The following PRICKLE1 variants were observed in gnomAD, a reference collection of about 807,000 sequenced individuals.
The protein encoded by PRICKLE1 is prickle planar cell polarity protein 1, also known as prickle-like protein 1.
In PRICKLE1, 14 loss-of-function variants were observed where a neutral mutation model predicts 70.2. That is an observed-to-expected ratio of 0.20 (90% CI 0.13 to 0.31). PRICKLE1 has a LOEUF of 0.31. Ranked by LOEUF, PRICKLE1 falls within the 10% of genes least tolerant of loss-of-function variation. PRICKLE1 has a pLI of 1.00. For missense variants in PRICKLE1, 821 were observed against 1,026.2 expected (o/e 0.80, Z 2.73); for synonymous variants, 357 against 379.9 (o/e 0.94, Z 0.70).
At chr12:42,478,649 T>C (rs1157509649) in intron 1 of PRICKLE1, among the ~76,000 whole-genome samples, 1 of 151,354 alleles carries the variant, frequency 6.6e-6, no homozygotes, top group Non-Finnish European at 1.5e-5. Flanking sequence ...GAAATAAATG[T>C]CAAACAGAAA....
chr12:42,566,252 G>A lies in PRICKLE1; in HGVS notation c.-49+23213C>T, dbSNP rs185615866. Among the ~76,000 whole-genome samples the A allele has an allele frequency of 1.3e-3, 192 of 152,246 alleles. 1 individual carries two copies. Among genetic ancestry groups the A allele is most frequent in the African/African-American group, 4.2e-3 (176 of 41,530 alleles). ...AAGCTGGTTCCAGAAATGTCCAGGA[G>A]GCAAATTAGATGGGACCTGTGGTTG... On this transcript the variant is annotated intron_variant, in intron 1 of 7. Transcript: ENST00000345127.
chr12:42,588,921 T>C (rs1185475109), intron 1 of PRICKLE1, among the ~76,000 whole-genome samples: 1 of 152,228 alleles, frequency 6.6e-6, no homozygotes, highest in Non-Finnish European at 1.5e-5. Context: ...CTCCCATTTT[T>C]TCCCTATATC....
At chr12:42,573,721 G>A (rs748783044) in intron 1 of PRICKLE1, among the ~76,000 whole-genome samples, 1 of 152,030 alleles carries the variant, frequency 6.6e-6, no homozygotes, top group African/African-American at 2.4e-5. Flanking sequence ...TTTTTGCAGA[G>A]GTGGGATTTT....
chr12:42,510,341 G>A (rs891021200), intron 1 of PRICKLE1, among the ~76,000 whole-genome samples: 4 of 151,970 alleles, frequency 2.6e-5, no homozygotes, highest in Non-Finnish European at 5.9e-5. Context: ...TGATCCACCC[G>A]CCTCTGCCTC....
At chr12:42,489,970 C>T (rs1010573022) in intron 1 of PRICKLE1, 1 of 152,154 alleles carries the variant, frequency 6.6e-6, no homozygotes, top group African/African-American at 2.4e-5. Flanking sequence ...TCGACCTAGA[C>T]CTTTCCCTTG....
chr12:42,541,497 C>T (rs751121869), intron 1 of PRICKLE1, among the ~76,000 whole-genome samples: 1 of 151,910 alleles, frequency 6.6e-6, no homozygotes, highest in East Asian at 1.9e-4. Context: ...ACTGCCACGC[C>T]CAGCTAATTT....
chr12:42,580,572 C>G (rs11181567), intron 1 of PRICKLE1, among the ~76,000 whole-genome samples: 22,482 of 152,146 alleles, frequency 0.15, 1,928 homozygotes, highest in Non-Finnish European at 0.19. Context: ...GAGGTGTTTG[C>G]AAGTTGACAA....
chr12:42,582,909 A>G (rs1940927168), intron 1 of PRICKLE1, among the ~76,000 whole-genome samples: 1 of 152,176 alleles, frequency 6.6e-6, no homozygotes, highest in Non-Finnish European at 1.5e-5. Context: ...GGCCCAGGGA[A>G]GCCAAAAGGT....
At chr12:42,566,488 C>T (rs1209725974) in intron 1 of PRICKLE1, among the ~76,000 whole-genome samples, 2 of 152,016 alleles carry the variant, frequency 1.3e-5, no homozygotes, top group African/African-American at 4.8e-5. Flanking sequence ...GTAGAGTGGA[C>T]CAGACCTGCG....
Position 42,526,552 on chromosome 12 carries a change from G to A in PRICKLE1, c.-48-53988C>T, listed in dbSNP as rs897571723. 3.9e-5 allele frequency among the ~76,000 whole-genome samples: 6 copies of A among 152,132 alleles called. No homozygotes were observed. In the East Asian group the frequency reaches 1.2e-3, roughly 29 times the overall value. Reference sequence around the variant, plus strand: ...TTTTCTGCCTTGAGAGTGGTGAGAGGTTCTGTGTGGCTGAGAGTGCACATG... The same window carrying A: ...TTTTCTGCCTTGAGAGTGGTGAGAGATTCTGTGTGGCTGAGAGTGCACATG... On this transcript the variant is annotated intron_variant, in intron 1 of 7. Transcript: ENST00000345127.
At position 42,589,328 on chromosome 12, in the gene PRICKLE1, A is replaced by T. The variant is rs890705378; in HGVS notation, c.-49+137T>A. On this transcript the variant is annotated intron_variant, in intron 1 of 7. Transcript: ENST00000345127. This position sits in a 1 kb window ranked among gnomAD's most constrained non-coding sequence, Gnocchi z 5.0. ...ATGACCTTCTCCCTGATCTTCTGCG[A>T]CACCGACCCAGTCTGGGTGTCACAG... The T allele has an allele frequency of 6.6e-6, 1 of 152,206 alleles. No individual in the cohort carries two copies. The highest frequency in any genetic ancestry group is 1.5e-5 in the Non-Finnish European group (1 of 68,114). 9.4% of individuals were successfully genotyped at this position (152,206 alleles called of 1,614,324 possible).
At chr12:42,470,126 C>T in intron 3 of PRICKLE1, 120 bp downstream of exon 3, 1 of 739,070 alleles carries the variant, frequency 1.4e-6, no homozygotes, top group Non-Finnish European at 2.4e-6. Context: ...CAAATTTTAA[C>T]TAAAGAAAGG....
At chr12:42,480,786 A>AT (rs1472969548) in intron 1 of PRICKLE1, among the ~76,000 whole-genome samples, 1 of 152,230 alleles carries the variant, frequency 6.6e-6, no homozygotes, top group Non-Finnish European at 1.5e-5. Flanking sequence ...AGAAGCAACA[A>AT]CAGATGGCAA....
At chr12:42,480,547 G>A (rs1417196167) in intron 1 of PRICKLE1, among the ~76,000 whole-genome samples, 2 of 152,166 alleles carry the variant, frequency 1.3e-5, no homozygotes, top group South Asian at 2.1e-4. Flanking sequence ...CTAAAGAGAA[G>A]GTTTATTATT....
intron 5 of PRICKLE1, 132 bp downstream of exon 5, chr12:42,468,494 C>G (rs578258577): frequency 1.2e-6 from 1 of 848,594 alleles, no homozygotes; most frequent in African/African-American, 1.7e-5. Context: ...TATGAATGTA[C>G]AGGATTATGT....
chr12:42,466,474 G>A, intron 5 of PRICKLE1, 94 bp from the exon 6 acceptor site: 2 of 1,075,560 alleles, frequency 1.9e-6, no homozygotes, highest in Non-Finnish European at 2.8e-6. Context: ...GCAATGGACA[G>A]ACACTGGCTC....
chr12:42,497,157 T>C lies in PRICKLE1; in HGVS notation c.-48-24593A>G, dbSNP rs181340311. The stretch of plus-strand genomic sequence containing the variant: ...ACTGTAGGGATATTAACTGGCCCAA[T>C]TGCAATATTGCTATGTCTCAGAGGA... On this transcript the variant is annotated intron_variant, in intron 1 of 7. Transcript: ENST00000345127. Among the ~76,000 whole-genome samples, 45 of 152,252 alleles carry C rather than the reference T, an allele frequency of 3.0e-4. No homozygotes were observed. In the South Asian group the frequency reaches 3.5e-3, roughly 12 times the overall value.
rs541923024 is a variant in PRICKLE1 at position 42,466,512 on chromosome 12, T to C, written c.589-132A>G. On this transcript the variant is annotated intron_variant, in intron 5 of 7. Coordinates refer to ENST00000345127, the MANE Select transcript of PRICKLE1 (RefSeq NM_153026.3). Reference sequence around the variant, plus strand: ...AAAAAAATCAGATAGCTAACCTTGTTTCTTAGAGTCACAAGCTTAAATCTA... The same window carrying C: ...AAAAAAATCAGATAGCTAACCTTGTCTCTTAGAGTCACAAGCTTAAATCTA... 279 of 753,064 alleles carry C rather than the reference T, an allele frequency of 3.7e-4. 1 individual carries two copies. The highest frequency in any genetic ancestry group is 5.8e-4 in the Non-Finnish European group (253 of 439,974). 46.6% of individuals were successfully genotyped at this position (753,064 alleles called of 1,614,324 possible). A position where few individuals can be genotyped will look rare whatever the true frequency, so the allele number is the denominator to read the frequency against.
At chr12:42,480,036 C>T (rs1212378562) in intron 1 of PRICKLE1, among the ~76,000 whole-genome samples, 7 of 152,158 alleles carry the variant, frequency 4.6e-5, no homozygotes, top group East Asian at 1.9e-4. Context: ...ATTTAGCCTT[C>T]GGCTGATCAT....
Sources: allele counts gnomAD v4.1 joint callset (sites outside exome capture counted in the v4.1 genomes callset), GRCh38; gene constraint gnomAD v4.1.1; non-coding constraint Gnocchi (gnomAD v3.1); transcripts MANE v1.5; gene names NCBI Gene and HGNC (gene_info 2026-07-23, HGNC 2026-07-21).